AFF3: variants seen among roughly 807,000 people sequenced by gnomAD.
AFF3 encodes the protein ALF transcription elongation factor 3.
Under a neutral mutation model 129.7 loss-of-function variants are expected in AFF3, and 32 were observed. The ratio of observed to expected loss-of-function variants is 0.25; its 90% CI spans 0.19 to 0.33. The LOEUF is 0.33. Among genes scored for constraint, AFF3 ranks in the 10% least tolerant of loss-of-function variants. AFF3 has a pLI of 1.00. For synonymous variants in AFF3, 644 were observed against 635.4 expected, an observed-to-expected ratio of 1.01 and a Z score of -0.20; for missense variants, 1,373 against 1,592.0, an observed-to-expected ratio of 0.86 and a Z score of 2.34.
intron 21 of AFF3, among the ~76,000 whole-genome samples, chr2:99,559,451 G>A (rs779344160): frequency 1.2e-4 from 19 of 152,190 alleles, no homozygotes; most frequent in Non-Finnish European, 2.5e-4. Context: ...CTGGGAATAG[G>A]TGCCATCATT....
chr2:99,630,003 T>C (rs1682978351), intron 13 of AFF3, among the ~76,000 whole-genome samples: 1 of 152,210 alleles, frequency 6.6e-6, no homozygotes, highest in South Asian at 2.1e-4. Flanking sequence ...GATAAGCTAG[T>C]GACAAGTACC....
rs374413187 is a variant in AFF3 at position 100,046,295 on chromosome 2, C to A, written c.54-37363G>T. Among the ~76,000 whole-genome samples, 4 of 152,232 alleles carry A rather than the reference C, an allele frequency of 2.6e-5. No individual in the cohort carries two copies. In the East Asian group the frequency reaches 7.7e-4, roughly 29 times the overall value. On this transcript the variant is annotated intron_variant, in intron 4 of 24. Transcript: ENST00000672756. Reference sequence around the variant, plus strand: ...AAGAGAGGCCCAGTAATGTGTCCAGCCCCACAGCTAGTCAGCGGTAACATC... The same window carrying A: ...AAGAGAGGCCCAGTAATGTGTCCAGACCCACAGCTAGTCAGCGGTAACATC...
At chr2:99,578,772 G>A (rs567893507) in intron 17 of AFF3, among the ~76,000 whole-genome samples, 3 of 152,288 alleles carry the variant, frequency 2.0e-5, no homozygotes, top group South Asian at 2.1e-4. Context: ...GAGGCCAGGG[G>A]TTAGGGTTTA....
chr2:99,715,377 G>C (rs1232915924), intron 11 of AFF3, among the ~76,000 whole-genome samples: 1 of 152,182 alleles, frequency 6.6e-6, no homozygotes, highest in Non-Finnish European at 1.5e-5. Flanking sequence ...GCTTTTATAA[G>C]TTATGAATAT....
chr2:99,736,732 C>T (rs189565142), intron 10 of AFF3, among the ~76,000 whole-genome samples: 1 of 151,322 alleles, frequency 6.6e-6, no homozygotes, highest in Non-Finnish European at 1.5e-5. Context: ...GCCTCAGCCT[C>T]CTGAGTAGCT....
At chr2:99,682,827 TC>T (rs1479259183) in intron 11 of AFF3, among the ~76,000 whole-genome samples, 1 of 152,138 alleles carries the variant, frequency 6.6e-6, no homozygotes, top group Non-Finnish European at 1.5e-5. Flanking sequence ...CCTTTACTAC[TC>T]CCAGGACAGT....
chr2:99,650,526 T>G (rs778617675), intron 12 of AFF3, among the ~76,000 whole-genome samples: 1 of 151,958 alleles, frequency 6.6e-6, no homozygotes, highest in Non-Finnish European at 1.5e-5. Context: ...GCCACTGCAC[T>G]CCAGCCTGGG....
At chr2:99,975,756 T>TTG (rs1309219566) in intron 7 of AFF3, among the ~76,000 whole-genome samples, 3 of 134,954 alleles carry the variant, frequency 2.2e-5, no homozygotes, top group African/African-American at 9.8e-5. Flanking sequence ...TCCCTCCACT[T>TTG]TTTTTTTTTT....
At chr2:99,897,998 T>C (rs776678042) in intron 7 of AFF3, among the ~76,000 whole-genome samples, 3 of 152,234 alleles carry the variant, frequency 2.0e-5, no homozygotes, top group Non-Finnish European at 2.9e-5. Context: ...TGAAAAATAC[T>C]GGAGACCTCA....
At chr2:99,947,485 CAGAAAA>C (rs1675681545) in intron 7 of AFF3, among the ~76,000 whole-genome samples, 1 of 108,944 alleles carries the variant, frequency 9.2e-6, no homozygotes, top group Non-Finnish European at 2.0e-5. Flanking sequence ...GATAGACAGA[CAGAAAA>C]AGAAAAAGAA....
chr2:99,831,790 G>A (rs1229606871), intron 8 of AFF3, among the ~76,000 whole-genome samples: 1 of 152,150 alleles, frequency 6.6e-6, no homozygotes, highest in Non-Finnish European at 1.5e-5. Context: ...ACACACATAC[G>A]AGGCCAGTAA....
At chr2:100,051,316 G>A (rs1055883401) in intron 4 of AFF3, among the ~76,000 whole-genome samples, 1 of 152,180 alleles carries the variant, frequency 6.6e-6, no homozygotes, top group African/African-American at 2.4e-5. Flanking sequence ...CTGAGCCCAC[G>A]CAACGGCTCC....
chr2:99,728,200 A>G lies in AFF3; in HGVS notation c.1040-1072T>C, dbSNP rs559633552. ...CTCATTCTGTAAGGAGTTTCTTTGTATTTCCTTGAGGCTTGGAGATGGAAG... is the reference window on the plus strand; with the variant it reads ...CTCATTCTGTAAGGAGTTTCTTTGTGTTTCCTTGAGGCTTGGAGATGGAAG... On this transcript the variant is annotated intron_variant, in intron 10 of 24. Transcript: ENST00000672756. Among the ~76,000 whole-genome samples the G allele has an allele frequency of 1.5e-3, 225 of 152,222 alleles. 1 individual carries two copies. Among genetic ancestry groups the G allele is most frequent in the African/African-American group, 5.2e-3 (214 of 41,524 alleles).
chr2:99,650,714 C>T lies in AFF3; in HGVS notation c.1144-1048G>A, dbSNP rs1472444916. On this transcript the variant is annotated intron_variant, in intron 12 of 24. Coordinates refer to ENST00000672756, the MANE Select transcript of AFF3 (RefSeq NM_001386135.1). The stretch of plus-strand genomic sequence containing the variant: ...GGTTCTTATATTATTCTGGCCATTT[C>T]CCTACATGAAATGAACAAAACTTTC... Among the ~76,000 whole-genome samples, 7 of 152,040 alleles carry T rather than the reference C, an allele frequency of 4.6e-5. No individual in the cohort carries two copies. The East Asian group carries it at 9.7e-4, about 21-fold the overall frequency.
chr2:99,904,643 C>T (rs1048493848), intron 7 of AFF3, among the ~76,000 whole-genome samples: 2 of 152,078 alleles, frequency 1.3e-5, no homozygotes, highest in Non-Finnish European at 2.9e-5. Flanking sequence ...AGGGAGGGCA[C>T]TATTGAAAGC....
chr2:100,057,472 T>C (rs1345992104), intron 4 of AFF3, among the ~76,000 whole-genome samples: 1 of 152,192 alleles, frequency 6.6e-6, no homozygotes, highest in Admixed American at 6.5e-5. Context: ...TAATACTAAA[T>C]GCATGATTAA....
At chr2:99,687,377 G>A (rs1427828947) in intron 11 of AFF3, among the ~76,000 whole-genome samples, 1 of 152,244 alleles carries the variant, frequency 6.6e-6, no homozygotes, top group Non-Finnish European at 1.5e-5. Flanking sequence ...AAATGTCCCG[G>A]TATGGCAGGG....
chr2:99,584,833 G>A (rs908757493), intron 16 of AFF3, among the ~76,000 whole-genome samples: 3 of 152,166 alleles, frequency 2.0e-5, no homozygotes, highest in Non-Finnish European at 4.4e-5. Flanking sequence ...TTAATTGCAC[G>A]TGTTGGTTAT....
intron 4 of AFF3, among the ~76,000 whole-genome samples, chr2:100,072,720 T>C (rs1013825565): frequency 6.6e-6 from 1 of 152,200 alleles, no homozygotes; most frequent in Non-Finnish European, 1.5e-5. Flanking sequence ...GCAGGATTAA[T>C]GCCATGAATG....
Sources: gnomAD v4.1 joint callset for allele counts (sites outside exome capture counted in the v4.1 genomes callset) on GRCh38, gnomAD v4.1.1 for gene constraint, MANE v1.5 for transcripts, NCBI Gene and HGNC (gene_info 2026-07-23, HGNC 2026-07-21) for gene names.